RFPL1: variants seen among roughly 807,000 people sequenced by gnomAD.
RFPL1 encodes the protein ret finger protein like 1.
RFPL1 carries 6 observed loss-of-function variants against 9.6 expected under a neutral mutation model. That is an observed-to-expected ratio of 0.62 (90% CI 0.34 to 1.23). The LOEUF is 1.23. RFPL1 is among the 50% of genes most tolerant of loss of function. The pLI, the probability that RFPL1 is intolerant of heterozygous loss-of-function variation, is 0.03. For synonymous variants in RFPL1, 145 were observed against 149.4 expected (o/e 0.97, Z 0.22); for missense variants, 352 against 398.4 (o/e 0.88, Z 0.99).
At chr22:29,424,351 A>T in the RFPL1 span, among the ~76,000 whole-genome samples, 4 of 152,186 alleles carry the variant, frequency 2.6e-5, no homozygotes, top group African/African-American at 7.2e-5. Flanking sequence ...GGCTTCTAGG[A>T]TGGTTCTAAG....
the RFPL1 span, among the ~76,000 whole-genome samples, chr22:29,407,937 G>C: frequency 2.0e-5 from 3 of 152,096 alleles, no homozygotes; most frequent in African/African-American, 7.2e-5. Flanking sequence ...ATATCACACT[G>C]CTGTTTTTCT....
At chr22:29,404,853 C>A in the RFPL1 span, among the ~76,000 whole-genome samples, 3 of 152,068 alleles carry the variant, frequency 2.0e-5, no homozygotes, top group Admixed American at 2.0e-4. Flanking sequence ...AAGTCTTCCA[C>A]GTACCTAGGT....
the RFPL1 span, among the ~76,000 whole-genome samples, chr22:29,429,798 C>G: frequency 6.6e-6 from 1 of 152,116 alleles, no homozygotes; most frequent in Non-Finnish European, 1.5e-5. Flanking sequence ...ATAAAATCAA[C>G]ACATAAAAAT....
chr22:29,414,718 G>A, the RFPL1 span, among the ~76,000 whole-genome samples: 1 of 151,880 alleles, frequency 6.6e-6, no homozygotes, highest in Admixed American at 6.6e-5. Flanking sequence ...GAAATCTGCT[G>A]GGTTAAGGGA....
At chr22:29,430,325 T>C in the RFPL1 span, among the ~76,000 whole-genome samples, 3 of 152,108 alleles carry the variant, frequency 2.0e-5, no homozygotes, top group Admixed American at 2.0e-4. Flanking sequence ...CACTCAAATA[T>C]CTTAATGAGA....
At chr22:29,395,245 A>G in the RFPL1 span, among the ~76,000 whole-genome samples, 100,325 of 152,008 alleles carry the variant, frequency 0.66, 35,148 homozygotes, top group African/African-American at 0.91. Context: ...GCCTTTCCGC[A>G]CTCTTGTTCC....
chr22:29,424,656 TA>T, the RFPL1 span, among the ~76,000 whole-genome samples: 49,180 of 121,304 alleles, frequency 0.41, 9,698 homozygotes, highest in Middle Eastern at 0.5. Flanking sequence ...AAGGACAAAG[TA>T]AAAAAAAAAA....
the RFPL1 span, among the ~76,000 whole-genome samples, chr22:29,425,639 A>G: frequency 6.6e-6 from 1 of 152,260 alleles, no homozygotes; most frequent in African/African-American, 2.4e-5. Flanking sequence ...TTTGTGAAGC[A>G]TTTGATGGGA....
chr22:29,432,615 C>G, the RFPL1 span, among the ~76,000 whole-genome samples: 1 of 152,202 alleles, frequency 6.6e-6, no homozygotes, highest in African/African-American at 2.4e-5. Context: ...TTGGTTACAA[C>G]AAAGGCACAT....
intron 1 of RFPL1, 123 bp from the exon 2 acceptor site, chr22:29,441,419 A>AT (rs1271411387): frequency 2.4e-6 from 3 of 1,233,264 alleles, no homozygotes; most frequent in Non-Finnish European, 3.4e-6. Flanking sequence ...AAAAGTTTTG[A>AT]TTTTGGGGGA....
At chr22:29,425,825 G>A in the RFPL1 span, among the ~76,000 whole-genome samples, 1 of 152,066 alleles carries the variant, frequency 6.6e-6, no homozygotes, top group Non-Finnish European at 1.5e-5. Context: ...TCTGGGAGGT[G>A]AGGGTTGAGG....
chr22:29,419,369 C>G, the RFPL1 span: 672 of 658,272 alleles, frequency 1.0e-3, 2 homozygotes, highest in Non-Finnish European at 1.1e-3. Flanking sequence ...ACATCCTATG[C>G]TGTTGGCTGA....
At chr22:29,409,417 C>T in the RFPL1 span, among the ~76,000 whole-genome samples, 4 of 152,112 alleles carry the variant, frequency 2.6e-5, no homozygotes, top group East Asian at 3.8e-4. Flanking sequence ...TCTCCTTTGC[C>T]ATCCTTCAAC....
the RFPL1 span, among the ~76,000 whole-genome samples, chr22:29,426,797 T>A: frequency 1.3e-5 from 2 of 152,174 alleles, no homozygotes; most frequent in African/African-American, 2.4e-5. Context: ...AGCTGTATTA[T>A]CCTCCTGTTT....
chr22:29,429,937 A>G, the RFPL1 span, among the ~76,000 whole-genome samples: 4 of 152,094 alleles, frequency 2.6e-5, no homozygotes, highest in Non-Finnish European at 5.9e-5. Flanking sequence ...GTGCAAATTG[A>G]CTTGGTGAAT....
chr22:29,400,627 A>T, the RFPL1 span, among the ~76,000 whole-genome samples: 2 of 152,048 alleles, frequency 1.3e-5, no homozygotes, highest in African/African-American at 4.8e-5. Flanking sequence ...TGGGGGGGGA[A>T]TGAAAGCTTT....
At chr22:29,406,411 GATCTACTAACATTCCCAC>G in the RFPL1 span, among the ~76,000 whole-genome samples, 1 of 152,016 alleles carries the variant, frequency 6.6e-6, no homozygotes, top group Non-Finnish European at 1.5e-5. Flanking sequence ...CTATAGCAGA[GATCTACTAACATTCCCAC>G]ATCTCAGAAT....
At chr22:29,431,783 A>T in the RFPL1 span, among the ~76,000 whole-genome samples, 1 of 151,204 alleles carries the variant, frequency 6.6e-6, no homozygotes, top group Non-Finnish European at 1.5e-5. Flanking sequence ...TCTCCCGGAG[A>T]CGATTCAAGT....
At chr22:29,404,741 T>G in the RFPL1 span, among the ~76,000 whole-genome samples, 10 of 152,202 alleles carry the variant, frequency 6.6e-5, no homozygotes, top group African/African-American at 2.4e-4. Context: ...CTTTTTATCT[T>G]TAAGAGACAG....
Sources: gnomAD v4.1 joint callset for allele counts (sites outside exome capture counted in the v4.1 genomes callset) on GRCh38, gnomAD v4.1.1 for gene constraint, MANE v1.5 for transcripts, NCBI Gene and HGNC (gene_info 2026-07-23, HGNC 2026-07-21) for gene names.